The following TYW1B variants were observed in gnomAD, a reference collection of about 807,000 sequenced individuals.
TYW1B encodes the protein S-adenosyl-L-methionine-dependent tRNA 4-demethylwyosine synthase TYW1B.
Under a neutral mutation model 86.9 loss-of-function variants are expected in TYW1B, and 73 were observed. The observed-to-expected ratio is 0.84, with a 90% CI of 0.70 to 1.02. The LOEUF (loss-of-function observed/expected upper bound fraction) is 1.02. TYW1B is among the 50% of genes least tolerant of loss of function. The pLI is 0.00. For synonymous variants in TYW1B, 248 were observed against 292.8 expected (o/e 0.85, Z 1.56); for missense variants, 637 against 827.4 (o/e 0.77, Z 2.82).
intron 8 of TYW1B, among the ~76,000 whole-genome samples, chr7:72,735,945 A>G (rs1350920620): frequency 2.0e-5 from 3 of 152,166 alleles, no homozygotes; most frequent in African/African-American, 7.2e-5. Flanking sequence ...CTATACTCAC[A>G]GAGTTGCACA....
At chr7:72,603,915 A>G (rs1424837748) in intron 13 of TYW1B, among the ~76,000 whole-genome samples, 1 of 152,216 alleles carries the variant, frequency 6.6e-6, no homozygotes, top group African/African-American at 2.4e-5. Flanking sequence ...GAGCCTAAAG[A>G]GAACTGACAA....
intron 6 of TYW1B, among the ~76,000 whole-genome samples, chr7:72,795,594 G>A (rs1401521575): frequency 4.0e-5 from 6 of 151,452 alleles, no homozygotes; most frequent in African/African-American, 7.3e-5. Flanking sequence ...AAATGATGAT[G>A]CTAAATTTGG....
chr7:72,663,178 T>C (rs1396645373), intron 11 of TYW1B, among the ~76,000 whole-genome samples: 1 of 136,906 alleles, frequency 7.3e-6, no homozygotes, highest in African/African-American at 2.7e-5. Flanking sequence ...GGTCTCTTAG[T>C]CAAGGCGGGG....
At chr7:72,794,958 C>T (rs1456121332) in intron 6 of TYW1B, among the ~76,000 whole-genome samples, 2 of 151,992 alleles carry the variant, frequency 1.3e-5, no homozygotes, top group Non-Finnish European at 2.9e-5. Context: ...GCTGGGATTA[C>T]AGGCGCCATC....
rs561567778 is a variant in TYW1B, at chr7:72,793,573, C to T, written c.846+8827G>A. On this transcript the variant is annotated intron_variant, in intron 6 of 13. Coordinates refer to ENST00000620995, the MANE Select transcript of TYW1B (RefSeq NM_001145440.3). ...CAGCCTGGCCAAGATGGTGAAACCC[C>T]GTCTCTACTAAATCTCTACTAAACA... is the stretch of plus-strand genomic sequence containing the variant. Among the ~76,000 whole-genome samples, 109 of 151,806 alleles carry T rather than the reference C, an allele frequency of 7.2e-4. 1 individual carries two copies. In the South Asian group the frequency reaches 0.022, roughly 31 times the overall value.
At chr7:72,809,415 G>A (rs1788559277) in intron 4 of TYW1B, among the ~76,000 whole-genome samples, 1 of 152,112 alleles carries the variant, frequency 6.6e-6, no homozygotes, top group Non-Finnish European at 1.5e-5. Context: ...AATTTGGGAG[G>A]CTGAGGTGGG....
intron 11 of TYW1B, among the ~76,000 whole-genome samples, chr7:72,646,460 C>T (rs1260809818): frequency 6.6e-6 from 1 of 152,072 alleles, no homozygotes; most frequent in Non-Finnish European, 1.5e-5. Flanking sequence ...CAGCCTTCAC[C>T]TCCCTGGCTC....
chr7:72,705,012 G>C (rs1814579250), intron 10 of TYW1B, among the ~76,000 whole-genome samples: 1 of 152,108 alleles, frequency 6.6e-6, no homozygotes, highest in Non-Finnish European at 1.5e-5. Flanking sequence ...AGATAGGCTG[G>C]GGGGCGGGGA....
chr7:72,779,060 A>T (rs1554471179), intron 6 of TYW1B, among the ~76,000 whole-genome samples: 1 of 151,840 alleles, frequency 6.6e-6, no homozygotes, highest in Admixed American at 6.6e-5. Flanking sequence ...GGAGATACTC[A>T]TCAAATCTTA....
chr7:72,790,141 G>C (rs1228170988), intron 6 of TYW1B, among the ~76,000 whole-genome samples: 1 of 150,950 alleles, frequency 6.6e-6, no homozygotes, highest in Non-Finnish European at 1.5e-5. Flanking sequence ...TAGTAGAAAC[G>C]GGGTTTCACC....
Position 72,708,034 on chromosome 7 carries a change from G to A in TYW1B, c.1370+5587C>T, listed in dbSNP as rs781927929. Reference sequence around the variant, plus strand: ...TAAGTTTCCTGAGGCCTCCCCTGCCGTGCTTCCTCTACAACCTGCAGAACT... The same window carrying A: ...TAAGTTTCCTGAGGCCTCCCCTGCCATGCTTCCTCTACAACCTGCAGAACT... On this transcript the variant is annotated intron_variant, in intron 10 of 13. Coordinates refer to ENST00000620995, the MANE Select transcript of TYW1B (RefSeq NM_001145440.3). Among the ~76,000 whole-genome samples, 12 of 152,100 alleles carry A rather than the reference G, an allele frequency of 7.9e-5. 1 individual carries two copies. The highest frequency in any genetic ancestry group is 4.2e-4 in the South Asian group (2 of 4,818).
At chr7:72,719,889 C>G (rs1237365034) in intron 9 of TYW1B, among the ~76,000 whole-genome samples, 1 of 152,026 alleles carries the variant, frequency 6.6e-6, no homozygotes, top group African/African-American at 2.4e-5. Flanking sequence ...GTCTAGGGAA[C>G]CTGAGTCACA....
At chr7:72,681,038 T>C (rs1813861422) in intron 11 of TYW1B, among the ~76,000 whole-genome samples, 1 of 152,164 alleles carries the variant, frequency 6.6e-6, no homozygotes, top group Non-Finnish European at 1.5e-5. Flanking sequence ...CTAGACCCTA[T>C]AAGGTAGGCA....
At chr7:72,743,560 T>G (rs1291856155) in intron 8 of TYW1B, among the ~76,000 whole-genome samples, 37 of 152,052 alleles carry the variant, frequency 2.4e-4, no homozygotes, top group African/African-American at 8.7e-4. Context: ...AATGGGTTAG[T>G]AGGCTGGGTG....
chr7:72,603,694 G>A (rs544704971), intron 13 of TYW1B, among the ~76,000 whole-genome samples: 2 of 152,186 alleles, frequency 1.3e-5, no homozygotes, highest in African/African-American at 4.8e-5. Flanking sequence ...CATAAGCCAT[G>A]CTGGCAGTAG....
At chr7:72,685,458 C>T (rs1399105830) in intron 11 of TYW1B, among the ~76,000 whole-genome samples, 10 of 152,114 alleles carry the variant, frequency 6.6e-5, no homozygotes, top group Admixed American at 3.9e-4. Context: ...GTTGCAAGAA[C>T]AGACAAATAG....
chr7:72,817,098 A>T (rs545261258), intron 2 of TYW1B, among the ~76,000 whole-genome samples: 2 of 152,212 alleles, frequency 1.3e-5, no homozygotes, highest in South Asian at 4.1e-4. Flanking sequence ...AAGCATGAGA[A>T]CTGGTATAGA....
chr7:72,602,403 G>A (rs76254921), intron 13 of TYW1B, among the ~76,000 whole-genome samples: 16 of 152,070 alleles, frequency 1.1e-4, no homozygotes, highest in Non-Finnish European at 2.2e-4. Flanking sequence ...TAGAGACATC[G>A]GTGTGTTCAC....
At chr7:72,595,156 A>C (rs1256072674) in intron 13 of TYW1B, among the ~76,000 whole-genome samples, 1 of 152,236 alleles carries the variant, frequency 6.6e-6, no homozygotes, top group African/African-American at 2.4e-5. Flanking sequence ...AGGTAAGAAG[A>C]AGAAATACAA....
Sources: gnomAD v4.1 joint callset for allele counts (sites outside exome capture counted in the v4.1 genomes callset) on GRCh38, gnomAD v4.1.1 for gene constraint, MANE v1.5 for transcripts, NCBI Gene and HGNC (gene_info 2026-07-23, HGNC 2026-07-21) for gene names.